Variants in ENTPD1 observed in about 807,000 individuals in gnomAD.
ENTPD1 encodes ectonucleoside triphosphate diphosphohydrolase 1, also known as ATP diphosphohydrolase.
Under a neutral mutation model 57.0 loss-of-function variants are expected in ENTPD1, and 33 were observed. The observed-to-expected ratio is 0.58, with a 90% CI of 0.44 to 0.77. The LOEUF (loss-of-function observed/expected upper bound fraction) is 0.77, where lower values mean the gene tolerates loss of function less well. Among genes scored for constraint, ENTPD1 ranks in the 30% least tolerant of loss-of-function variants. ENTPD1 has a pLI of 0.00. For missense variants in ENTPD1, 501 were observed against 603.4 expected, an observed-to-expected ratio of 0.83 and a Z score of 1.78; for synonymous variants, 202 against 218.8, an observed-to-expected ratio of 0.92 and a Z score of 0.68.
chr10:95,795,532 C>A (rs894319566), intron 1 of ENTPD1, among the ~76,000 whole-genome samples: 21 of 152,234 alleles, frequency 1.4e-4, no homozygotes, highest in Admixed American at 1.2e-3. Context: ...TATAGTATTT[C>A]CCACGTATGG....
the ENTPD1 span, chr10:95,694,246 C>T: frequency 3.2e-6 from 1 of 316,856 alleles, no homozygotes; most frequent in Non-Finnish European, 5.9e-6. Flanking sequence ...GAGGACTGAG[C>T]CCGGCCTCCG....
chr10:95,848,264 A>T (rs2098439162), intron 7 of ENTPD1, among the ~76,000 whole-genome samples: 1 of 152,198 alleles, frequency 6.6e-6, no homozygotes, highest in South Asian at 2.1e-4. Context: ...CACGATGCTT[A>T]CTGTGGGTTA....
At chr10:95,707,606 GTTTTGT>G (rs1474975477), upstream of ENTPD1, among the ~76,000 whole-genome samples, 1 of 152,120 alleles carries the variant, frequency 6.6e-6, no homozygotes, top group East Asian at 1.9e-4. Flanking sequence ...TTGTTTGTTT[GTTTTGT>G]TTTGTTTTTT....
chr10:95,704,035 G>A, the ENTPD1 span, among the ~76,000 whole-genome samples: 2 of 151,984 alleles, frequency 1.3e-5, no homozygotes, highest in Non-Finnish European at 2.9e-5. Context: ...AGATTGCAGT[G>A]AGCTGAGATC....
At chr10:95,768,329 C>A (rs566715333) in intron 1 of ENTPD1, among the ~76,000 whole-genome samples, 4 of 152,224 alleles carry the variant, frequency 2.6e-5, no homozygotes, top group African/African-American at 7.2e-5. Flanking sequence ...AGAAAGATTT[C>A]TTCTGTCACA....
chr10:95,756,373 T>C (rs2098024265), intron 1 of ENTPD1, 118 bp downstream of exon 1: 1 of 1,113,814 alleles, frequency 9.0e-7, no homozygotes. Context: ...CTGAATGAAC[T>C]TTCCCACCCT....
intron 1 of ENTPD1, among the ~76,000 whole-genome samples, chr10:95,804,516 T>C (rs1178380245): frequency 6.6e-6 from 1 of 152,266 alleles, no homozygotes; most frequent in Non-Finnish European, 1.5e-5. Flanking sequence ...AGAATGCTTA[T>C]GATTTTTGCA....
At chr10:95,784,680 C>T (rs182625100) in intron 1 of ENTPD1, among the ~76,000 whole-genome samples, 166 of 152,274 alleles carry the variant, frequency 1.1e-3, no homozygotes, top group African/African-American at 3.8e-3. Flanking sequence ...AAACACCTAT[C>T]GGCCTCAGTA....
intron 1 of ENTPD1, among the ~76,000 whole-genome samples, chr10:95,726,960 G>A (rs2097984359): frequency 6.6e-6 from 1 of 152,148 alleles, no homozygotes; most frequent in African/African-American, 2.4e-5. Flanking sequence ...CTGGCTCACT[G>A]CCATCTTCAG....
Position 95,866,329 on chromosome 10 carries a change from C to T in ENTPD1, c.1479C>T (p.Ile493=). The change falls in exon 10 of 10, where the codon ATC becomes ATT. Residue 493 remains isoleucine (I), a synonymous_variant. Transcript: ENST00000371205. ...LFSLVLFTVA[I]IGLLIFHKPS... is the part of the protein sequence containing the mutation. Reference sequence around the variant, plus strand: ...CCCTGGTCCTTTTCACAGTGGCCATCATAGGCTTGCTTATCTTTCACAAGC... The same window carrying T: ...CCCTGGTCCTTTTCACAGTGGCCATTATAGGCTTGCTTATCTTTCACAAGC... 3 of 1,614,204 alleles carry T rather than the reference C, an allele frequency of 1.9e-6. No homozygotes were observed. The South Asian group carries it at 3.3e-5, about 18-fold the overall frequency.
chr10:95,764,976 C>T (rs1303717447), intron 1 of ENTPD1, among the ~76,000 whole-genome samples: 3 of 152,128 alleles, frequency 2.0e-5, no homozygotes, highest in African/African-American at 7.2e-5. Flanking sequence ...CCTGCCTCGG[C>T]CTCCCAAAGT....
chr10:95,871,693 T>C lies in ENTPD1; in HGVS notation c.*5310T>C. 3 of 985,448 alleles carry C rather than the reference T, an allele frequency of 3.0e-6. No homozygotes were observed. Among genetic ancestry groups the C allele is most frequent in the African/African-American group, 1.7e-5 (1 of 57,378 alleles). 61.0% of individuals were successfully genotyped at this position (985,448 alleles called of 1,614,324 possible). A position where few individuals can be genotyped will look rare whatever the true frequency, so the allele number is the denominator to read the frequency against. ...GCTCTATTTTACATAAATTAAGTTA[T>C]AAATTGACACTATAATCAACTGACA... On this transcript the variant is annotated 3_prime_UTR_variant, in exon 10 of 10. Coordinates refer to ENST00000371205, the MANE Select transcript of ENTPD1 (RefSeq NM_001776.6).
At chr10:95,770,998 ACT>A (rs1313617992) in intron 1 of ENTPD1, among the ~76,000 whole-genome samples, 3 of 151,886 alleles carry the variant, frequency 2.0e-5, no homozygotes, top group Non-Finnish European at 2.9e-5. Context: ...ACTACTCATA[ACT>A]CTGTCATATG....
At position 95,870,439 on chromosome 10, in the gene ENTPD1, T is replaced by C; in HGVS notation, c.*4056T>C. ...CTAGGACTACAGGTGTGCACCACCA[T>C]GTCTAGCTATTTTTTTTTCTGTAGA... On this transcript the variant is annotated 3_prime_UTR_variant, in exon 10 of 10. Coordinates refer to ENST00000371205, the MANE Select transcript of ENTPD1 (RefSeq NM_001776.6). 1.4e-6 allele frequency: 1 copy of C among 692,686 alleles called. No individual in the cohort carries two copies. Among genetic ancestry groups the C allele is most frequent in the Non-Finnish European group, 1.8e-6 (1 of 562,962 alleles). 42.9% of individuals were successfully genotyped at this position (692,686 alleles called of 1,614,324 possible). A position where few individuals can be genotyped will look rare whatever the true frequency, so the allele number is the denominator to read the frequency against.
rs4244319 is a variant in ENTPD1, at chr10:95,713,006, A to G, written c.37+1013A>G. Among the ~76,000 whole-genome samples the G allele has an allele frequency of 3.3e-3, 494 of 150,876 alleles. 2 individuals are homozygous for G. Among genetic ancestry groups the G allele is most frequent in the African/African-American group, 0.011 (468 of 41,030 alleles). On this transcript the variant is annotated intron_variant, in intron 1 of 9. Transcript: ENST00000453258. Reference sequence around the variant, plus strand: ...CAGAGATTGCGCCGCTGCACTCCAGACTGGGCGACAGAGCGAGATTCTGTC... The same window carrying G: ...CAGAGATTGCGCCGCTGCACTCCAGGCTGGGCGACAGAGCGAGATTCTGTC...
intron 1 of ENTPD1, among the ~76,000 whole-genome samples, chr10:95,757,633 A>T (rs1237313648): frequency 6.6e-6 from 1 of 152,078 alleles, no homozygotes; most frequent in Non-Finnish European, 1.5e-5. Flanking sequence ...TATTGTTATT[A>T]TGGTCTTTTG....
At chr10:95,783,826 A>G (rs2098167213) in intron 1 of ENTPD1, among the ~76,000 whole-genome samples, 1 of 152,168 alleles carries the variant, frequency 6.6e-6, no homozygotes, top group African/African-American at 2.4e-5. Context: ...GGCAAAAAGA[A>G]TAACAAGTAT....
intron 2 of ENTPD1, among the ~76,000 whole-genome samples, chr10:95,836,232 T>C (rs1438952773): frequency 6.6e-6 from 1 of 152,194 alleles, no homozygotes; most frequent in Non-Finnish European, 1.5e-5. Flanking sequence ...CATAGCTTTG[T>C]GGTTTAAAGT....
At chr10:95,711,236 TG>T (rs1353791771), upstream of ENTPD1, among the ~76,000 whole-genome samples, 2 of 152,216 alleles carry the variant, frequency 1.3e-5, no homozygotes, top group African/African-American at 4.8e-5. Context: ...TCCAGATTGT[TG>T]AAACCCATTC....
Sources: gnomAD v4.1 joint callset for allele counts (sites outside exome capture counted in the v4.1 genomes callset) on GRCh38, gnomAD v4.1.1 for gene constraint, MANE v1.5 for transcripts, NCBI Gene and HGNC (gene_info 2026-07-23, HGNC 2026-07-21) for gene names.